LMBRD2: variants seen among roughly 807,000 people sequenced by gnomAD.
The protein encoded by LMBRD2 is G protein-coupled receptor-associated protein LMBRD2.
LMBRD2 carries 55 observed loss-of-function variants against 94.4 expected under a neutral mutation model. The observed-to-expected ratio is 0.58, with a 90% CI of 0.47 to 0.73. The LOEUF is 0.73. LMBRD2 is among the 30% of genes least tolerant of loss of function. The pLI is 0.00. For missense variants in LMBRD2, 640 were observed against 831.9 expected (o/e 0.77, Z 2.84); for synonymous variants, 246 against 272.4 (o/e 0.90, Z 0.95).
chr5:36,146,313 C>G (rs1744536634), intron 1 of LMBRD2, among the ~76,000 whole-genome samples: 1 of 152,190 alleles, frequency 6.6e-6, no homozygotes, highest in Non-Finnish European at 1.5e-5. Flanking sequence ...TAGGGTCACA[C>G]AAGTTTAAAA....
intron 4 of LMBRD2, 31 bp from the exon 5 acceptor site, chr5:36,137,472 C>G: frequency 7.0e-7 from 1 of 1,433,012 alleles, no homozygotes; most frequent in South Asian, 1.4e-5. Flanking sequence ...TGATTAAAAA[C>G]CCAAATAATT....
intron 11 of LMBRD2, 49 bp from the exon 12 acceptor site, chr5:36,115,169 T>C (rs780854332): frequency 1.8e-6 from 2 of 1,116,144 alleles, no homozygotes; most frequent in East Asian, 2.5e-5. Context: ...AGCAGCAAAA[T>C]ACATTTTATA....
At chr5:36,122,553 C>A in intron 8 of LMBRD2, 90 bp from the exon 9 acceptor site, 1 of 1,163,110 alleles carries the variant, frequency 8.6e-7, no homozygotes, top group Non-Finnish European at 1.2e-6. Flanking sequence ...ATTGTCATAA[C>A]AATGGGAAAG....
chr5:36,136,811 C>A (rs550781211), intron 5 of LMBRD2, among the ~76,000 whole-genome samples: 12 of 152,054 alleles, frequency 7.9e-5, no homozygotes, highest in Non-Finnish European at 1.6e-4. Context: ...CTGATCTATT[C>A]CTAAATTTTC....
At chr5:36,142,635 C>A (rs369372764) in intron 2 of LMBRD2, 36 bp from the exon 3 acceptor site, 10 of 1,203,674 alleles carry the variant, frequency 8.3e-6, no homozygotes, top group Non-Finnish European at 1.1e-5. Flanking sequence ...AAATGAGAAT[C>A]AAAAGGTTAC....
intron 1 of LMBRD2, among the ~76,000 whole-genome samples, chr5:36,150,159 CG>C (rs1744656074): frequency 6.6e-6 from 1 of 152,152 alleles, no homozygotes. Context: ...TGTCTGTTAC[CG>C]GGGCAAACTA....
At position 36,146,945 on chromosome 5, in the gene LMBRD2, T is replaced by TGTGTGA. The variant is rs1406618865; in HGVS notation, c.-57-3540_-57-3539insTCACAC. 1.7e-3 allele frequency among the ~76,000 whole-genome samples: 145 copies of TGTGTGA among 87,858 alleles called. 1 individual carries two copies. In the South Asian group the frequency reaches 0.034, roughly 21 times the overall value. 57.6% of individuals were successfully genotyped at this position (87,858 alleles called of 152,430 possible). ...GCGTGTGTGTGTGTGTGTGTGAGTG[T>TGTGTGA]GTGTGTGTGTGTGTGTGTGTGTGTG... On this transcript the variant is annotated intron_variant, in intron 1 of 17. Coordinates refer to ENST00000296603, the MANE Select transcript of LMBRD2 (RefSeq NM_001007527.2).
rs1743690104 is a variant in LMBRD2, at chr5:36,114,433, G to C, written c.1631C>G (p.Thr544Ser). The change falls in exon 13 of 18, where the codon ACT becomes AGT. Residue 544 changes from threonine to serine, a missense_variant. Transcript: ENST00000296603. ...PMLVVILCIATYFSLGTRCLN... is the reference protein window; with the variant it reads ...PMLVVILCIASYFSLGTRCLN... ...ATGTTAAGTTTCTTACCTAAAATAA[G>C]TAGCAATGCAGAGAATTACCACCAA... 1.9e-6 allele frequency: 3 copies of C among 1,556,586 alleles called. No individual in the cohort carries two copies. Among genetic ancestry groups the C allele is most frequent in the Non-Finnish European group, 1.7e-6 (2 of 1,158,990 alleles).
chr5:36,121,594 A>C (rs1167073578), intron 9 of LMBRD2, among the ~76,000 whole-genome samples: 1 of 152,188 alleles, frequency 6.6e-6, no homozygotes, highest in Non-Finnish European at 1.5e-5. Context: ...AGGACTACTT[A>C]AGCAAATATT....
At chr5:36,134,366 T>C (rs1744221189) in intron 6 of LMBRD2, among the ~76,000 whole-genome samples, 1 of 152,094 alleles carries the variant, frequency 6.6e-6, no homozygotes, top group African/African-American at 2.4e-5. Flanking sequence ...TTGCTGAGTG[T>C]TTAAGAGTCT....
intron 6 of LMBRD2, among the ~76,000 whole-genome samples, chr5:36,134,859 G>A (rs1744233309): frequency 6.6e-6 from 1 of 152,150 alleles, no homozygotes; most frequent in Non-Finnish European, 1.5e-5. Context: ...GTTAAGACTT[G>A]AAAATGAAAT....
intron 16 of LMBRD2, among the ~76,000 whole-genome samples, chr5:36,105,948 G>C (rs1237099666): frequency 6.6e-6 from 1 of 152,134 alleles, no homozygotes; most frequent in African/African-American, 2.4e-5. Context: ...TTATGCTATA[G>C]TTCTTTCTGA....
chr5:36,128,221 T>C (rs1043854872), intron 6 of LMBRD2, among the ~76,000 whole-genome samples: 6 of 152,196 alleles, frequency 3.9e-5, no homozygotes, highest in African/African-American at 7.2e-5. Context: ...TCCCCTAATA[T>C]AGATACAGCT....
At chr5:36,127,926 T>C (rs950600564) in intron 6 of LMBRD2, among the ~76,000 whole-genome samples, 17 of 152,282 alleles carry the variant, frequency 1.1e-4, no homozygotes, top group African/African-American at 4.1e-4. Context: ...AGCCAGGCAG[T>C]GGTTACCGTG....
At chr5:36,145,725 T>C (rs1445860364) in intron 1 of LMBRD2, among the ~76,000 whole-genome samples, 3 of 152,140 alleles carry the variant, frequency 2.0e-5, no homozygotes, top group Non-Finnish European at 2.9e-5. Flanking sequence ...GTGCAAGGAA[T>C]ATGACAATCA....
intron 4 of LMBRD2, among the ~76,000 whole-genome samples, chr5:36,140,786 C>T (rs183214681): frequency 6.6e-6 from 1 of 152,106 alleles, no homozygotes; most frequent in Non-Finnish European, 1.5e-5. Flanking sequence ...CTAAAAAAAA[C>T]AAAGAAGGAA....
chr5:36,107,885 G>A (rs1405381873), intron 16 of LMBRD2, among the ~76,000 whole-genome samples: 1 of 152,096 alleles, frequency 6.6e-6, no homozygotes, highest in East Asian at 1.9e-4. Context: ...AGCCTCAGTG[G>A]TGGAGCTTTT....
intron 16 of LMBRD2, among the ~76,000 whole-genome samples, chr5:36,107,508 T>G (rs974467316): frequency 2.6e-5 from 4 of 152,256 alleles, no homozygotes; most frequent in Non-Finnish European, 4.4e-5. Flanking sequence ...CCTCTTCTAT[T>G]AGATCATCAT....
At chr5:36,143,063 C>A (rs1256719138) in intron 2 of LMBRD2, 113 bp downstream of exon 2, 7 of 793,586 alleles carry the variant, frequency 8.8e-6, no homozygotes, top group African/African-American at 1.8e-5. Flanking sequence ...GCCATATAAT[C>A]TTTTAATTCA....
Sources: gnomAD v4.1 joint callset for allele counts (sites outside exome capture counted in the v4.1 genomes callset) on GRCh38, gnomAD v4.1.1 for gene constraint, MANE v1.5 for transcripts, NCBI Gene and HGNC (gene_info 2026-07-23, HGNC 2026-07-21) for gene names.